The following MALRD1 variants were observed in gnomAD, a reference collection of about 807,000 sequenced individuals.
MALRD1 encodes the protein MAM and LDL receptor class A domain containing 1, also known as MAM and LDL-receptor class A domain-containing protein 1.
A neutral mutation model predicts 242.1 loss-of-function variants in MALRD1; 247 were observed. The ratio of observed to expected loss-of-function variants is 1.02; its 90% CI spans 0.92 to 1.13. MALRD1 has a LOEUF of 1.13. Among genes scored for constraint, MALRD1 ranks in the 50% most tolerant of loss-of-function variants. The probability of loss-of-function intolerance (pLI) is 0.00; values close to 1 mark genes in which losing one functional copy is unlikely to be tolerated. For missense variants in MALRD1, 2,989 were observed against 2,533.1 expected, an observed-to-expected ratio of 1.18 and a Z score of -3.86; for synonymous variants, 995 against 866.6, an observed-to-expected ratio of 1.15 and a Z score of -2.60.
At chr10:19,690,729 T>G (rs1056062920) in intron 36 of MALRD1, among the ~76,000 whole-genome samples, 1 of 151,774 alleles carries the variant, frequency 6.6e-6, no homozygotes, top group East Asian at 1.9e-4. Flanking sequence ...GTTCTATATA[T>G]AAATATAAAT....
chr10:19,414,989 A>G (rs573613378), intron 28 of MALRD1, among the ~76,000 whole-genome samples: 14 of 152,128 alleles, frequency 9.2e-5, no homozygotes, highest in Admixed American at 9.2e-4. Flanking sequence ...AACTCATAAC[A>G]CTTTTTTTCT....
chr10:19,733,184 A>G (rs1366024547), intron 39 of MALRD1, among the ~76,000 whole-genome samples: 1 of 152,172 alleles, frequency 6.6e-6, no homozygotes, highest in East Asian at 1.9e-4. Context: ...TCATGGCAAC[A>G]TTCGTTGGCA....
chr10:19,519,518 T>G (rs1175303840), intron 31 of MALRD1, among the ~76,000 whole-genome samples: 4 of 152,190 alleles, frequency 2.6e-5, no homozygotes, highest in Admixed American at 6.5e-5. Flanking sequence ...TCCTAGCACT[T>G]TGGCAGGCCG....
intron 36 of MALRD1, among the ~76,000 whole-genome samples, chr10:19,627,887 T>A (rs1839735850): frequency 6.6e-6 from 1 of 151,230 alleles, no homozygotes; most frequent in Non-Finnish European, 1.5e-5. Flanking sequence ...AAAAATTATG[T>A]AACAGATAAA....
chr10:19,165,256 TATA>T lies in MALRD1; in HGVS notation c.1657-380_1657-378del, dbSNP rs1222557666. Among the ~76,000 whole-genome samples the T allele has an allele frequency of 2.1e-4, 23 of 112,160 alleles. 1 individual carries two copies. The highest frequency in any genetic ancestry group is 3.1e-4 in the Non-Finnish European group (17 of 54,882). 73.6% of individuals were successfully genotyped at this position (112,160 alleles called of 152,430 possible). A position where few individuals can be genotyped will look rare whatever the true frequency, so the allele number is the denominator to read the frequency against. ...AAGTTGTTTGGAATATATATATATATATATATATATTTTGTTTTGTTTTGTTTT... is the reference window on the plus strand; with the variant it reads ...AAGTTGTTTGGAATATATATATATATTATATATTTTGTTTTGTTTTGTTTT... On this transcript the variant is annotated intron_variant, in intron 12 of 39. Transcript: ENST00000454679.
chr10:19,670,381 T>C (rs1329709103), intron 36 of MALRD1, among the ~76,000 whole-genome samples: 1 of 152,164 alleles, frequency 6.6e-6, no homozygotes, highest in Non-Finnish European at 1.5e-5. Flanking sequence ...GAAAAGACCC[T>C]TTGCCTCCAA....
Position 19,319,191 on chromosome 10 carries a change from T to G in MALRD1, c.3420-4758T>G, listed in dbSNP as rs181861065. Among the ~76,000 whole-genome samples the G allele has an allele frequency of 5.9e-5, 9 of 152,226 alleles. No individual in the cohort carries two copies. In the East Asian group the frequency reaches 1.7e-3, roughly 29 times the overall value. ...TTTCAGTATTTTCCTTTACGGTTAGTGATTTTTATATACTGTTGAAAACAA... is the reference window on the plus strand; with the variant it reads ...TTTCAGTATTTTCCTTTACGGTTAGGGATTTTTATATACTGTTGAAAACAA... On this transcript the variant is annotated intron_variant, in intron 21 of 39. Transcript: ENST00000454679.
chr10:19,468,139 G>C (rs1836315369), intron 29 of MALRD1, among the ~76,000 whole-genome samples: 1 of 152,098 alleles, frequency 6.6e-6, no homozygotes, highest in African/African-American at 2.4e-5. Flanking sequence ...TTTGCACCAA[G>C]AGAACATCCT....
chr10:19,683,152 A>C (rs1001059711), intron 36 of MALRD1, among the ~76,000 whole-genome samples: 2 of 152,122 alleles, frequency 1.3e-5, no homozygotes, highest in Admixed American at 6.5e-5. Context: ...AAAAGAAAGA[A>C]GTTTTCAAAA....
chr10:19,480,581 A>G (rs10764037), intron 29 of MALRD1, among the ~76,000 whole-genome samples: 74,294 of 152,032 alleles, frequency 0.49, 18,349 homozygotes, highest in East Asian at 0.57. Flanking sequence ...AGGGGTTGAC[A>G]TTTATTTTAA....
chr10:19,507,737 G>T (rs946679685), intron 31 of MALRD1, among the ~76,000 whole-genome samples: 1 of 152,146 alleles, frequency 6.6e-6, no homozygotes, highest in Non-Finnish European at 1.5e-5. Flanking sequence ...ATTAAATCCT[G>T]AGAGTATTAA....
intron 31 of MALRD1, among the ~76,000 whole-genome samples, chr10:19,501,114 G>T (rs1229782365): frequency 1.3e-5 from 2 of 152,112 alleles, no homozygotes; most frequent in African/African-American, 4.8e-5. Flanking sequence ...GCACAGAAAT[G>T]CCATTCAACA....
At chr10:19,438,172 T>G (rs1371932575) in intron 28 of MALRD1, among the ~76,000 whole-genome samples, 1 of 151,942 alleles carries the variant, frequency 6.6e-6, no homozygotes. Flanking sequence ...TGTCTCTGTG[T>G]TTCTTTTTTT....
At chr10:19,605,460 G>T (rs1375912800) in intron 34 of MALRD1, among the ~76,000 whole-genome samples, 2 of 149,392 alleles carry the variant, frequency 1.3e-5, no homozygotes, top group African/African-American at 4.9e-5. Flanking sequence ...GAGCCACTGC[G>T]CCTGGACCAG....
intron 26 of MALRD1, among the ~76,000 whole-genome samples, chr10:19,361,300 A>G (rs1054941976): frequency 1.3e-5 from 2 of 152,038 alleles, no homozygotes; most frequent in African/African-American, 4.8e-5. Context: ...ACTGGCCAGC[A>G]TGTGAATGTG....
chr10:19,707,218 T>A (rs1389308589), intron 38 of MALRD1, among the ~76,000 whole-genome samples: 1 of 151,572 alleles, frequency 6.6e-6, no homozygotes, highest in Non-Finnish European at 1.5e-5. Context: ...CTCCTCCTTC[T>A]TCTTCTCCTT....
chr10:19,667,393 TA>T (rs778922380), intron 36 of MALRD1, among the ~76,000 whole-genome samples: 3 of 152,146 alleles, frequency 2.0e-5, no homozygotes, highest in Non-Finnish European at 4.4e-5. Context: ...GGGGCTGCTG[TA>T]ACAAAATACC....
At chr10:19,691,519 C>G (rs896695639) in intron 36 of MALRD1, among the ~76,000 whole-genome samples, 1 of 152,020 alleles carries the variant, frequency 6.6e-6, no homozygotes, top group Non-Finnish European at 1.5e-5. Context: ...TTGACCAAAC[C>G]CTTCGTAATT....
At chr10:19,112,370 A>G (rs1458544973) in intron 5 of MALRD1, among the ~76,000 whole-genome samples, 2 of 152,090 alleles carry the variant, frequency 1.3e-5, no homozygotes, top group Non-Finnish European at 2.9e-5. Flanking sequence ...TCTTCTGGAC[A>G]TCGTCATCAG....
Sources: allele counts gnomAD v4.1 joint callset (sites outside exome capture counted in the v4.1 genomes callset), GRCh38; gene constraint gnomAD v4.1.1; transcripts MANE v1.5; gene names NCBI Gene and HGNC (gene_info 2026-07-23, HGNC 2026-07-21).